CCDC61: variants seen among roughly 807,000 people sequenced by gnomAD.
CCDC61 encodes centrosomal protein CCDC61.
Under a neutral mutation model 63.0 loss-of-function variants are expected in CCDC61, and 55 were observed. The observed-to-expected ratio is 0.87, with a 90% CI of 0.70 to 1.09. The LOEUF (loss-of-function observed/expected upper bound fraction) is 1.09, where lower values mean the gene tolerates loss of function less well. Ranked by LOEUF, CCDC61 falls within the 50% of genes least tolerant of loss-of-function variation. The pLI is 0.00. For synonymous variants in CCDC61, 270 were observed against 317.0 expected, an observed-to-expected ratio of 0.85 and a Z score of 1.58; for missense variants, 651 against 731.4, an observed-to-expected ratio of 0.89 and a Z score of 1.27.
At chr19:46,014,895 G>C (rs560865860) in intron 5 of CCDC61, among the ~76,000 whole-genome samples, 154 bp from the exon 6 acceptor site, 1 of 152,200 alleles carries the variant, frequency 6.6e-6, no homozygotes, top group Non-Finnish European at 1.5e-5. Context: ...CAGGGGATAT[G>C]ATAGGACCCT....
At position 46,016,377 on chromosome 19, in the gene CCDC61, A is replaced by G. The variant is rs1236254855; in HGVS notation, c.1075A>G (p.Arg359Gly). 2 of 1,613,894 alleles carry G rather than the reference A, an allele frequency of 1.2e-6. No individual in the cohort carries two copies. The highest frequency in any genetic ancestry group is 3.3e-5 in the Admixed American group (2 of 60,016). The change falls in exon 9 of 14, where the codon AGA becomes GGA. Residue 359 changes from arginine (R) to glycine (G), a missense_variant. By Grantham distance (125) the Arg-to-Gly change is moderately radical (BLOSUM62 -2). Transcript: ENST00000595358. This position sits in a 1 kb window ranked among gnomAD's most constrained non-coding sequence, Gnocchi z 7.2. ...TGTGAAAGCCAAGGAAAGGAAGCAG[A>G]GAGAGATCCAGATGAAGTCAGTGCC... ...AFVKAKERKQ[R>G]EIQMKQQQRN...
At chr19:46,005,501 G>A (rs1968689053) in intron 3 of CCDC61, among the ~76,000 whole-genome samples, 1 of 152,006 alleles carries the variant, frequency 6.6e-6, no homozygotes, top group Non-Finnish European at 1.5e-5. Context: ...AAGTTGTGCA[G>A]ATTTTCCAAA....
chr19:46,007,421 A>G (rs1257478554), intron 4 of CCDC61, among the ~76,000 whole-genome samples: 5 of 152,230 alleles, frequency 3.3e-5, no homozygotes, highest in African/African-American at 1.2e-4. Context: ...CATTGCATCT[A>G]TATCAAGGCA....
intron 1 of CCDC61, 23 bp downstream of exon 1, chr19:45,995,527 G>T (rs1045371443): frequency 3.9e-6 from 2 of 510,772 alleles, no homozygotes; most frequent in East Asian, 5.8e-5. Context: ...GGGAGTGGCG[G>T]TTGCGCGGGC....
chr19:46,000,703 G>T (rs528545187), intron 1 of CCDC61, among the ~76,000 whole-genome samples: 1 of 152,194 alleles, frequency 6.6e-6, no homozygotes, highest in East Asian at 1.9e-4. Context: ...CATGCCTAGA[G>T]GAGGGGAAGG....
intron 5 of CCDC61, among the ~76,000 whole-genome samples, chr19:46,013,973 A>G (rs908786098): frequency 6.6e-6 from 1 of 152,078 alleles, no homozygotes; most frequent in Non-Finnish European, 1.5e-5. Context: ...CCAATGTGCC[A>G]CCAACTTTGA....
chr19:46,015,981 C>T lies in CCDC61; in HGVS notation c.846-73C>T. On this transcript the variant is annotated intron_variant, in intron 7 of 13. Coordinates refer to ENST00000595358, the MANE Select transcript of CCDC61 (RefSeq NM_001267723.2). The surrounding 1 kb of genome is among the most constrained non-coding windows in gnomAD (Gnocchi z 5.3). ...TAGGCCTGAGGGTTCGGAGAAGGTG[C>T]GGTCGGGGAGGAGTCTCGCGATTGA... 8.4e-7 allele frequency: 1 copy of T among 1,194,884 alleles called. No homozygotes were observed. The highest frequency in any genetic ancestry group is 1.0e-6 in the Non-Finnish European group (1 of 957,096). The allele number at this position is 1,194,884 out of a possible 1,614,324, so 74.0% of individuals were successfully genotyped here.
chr19:46,017,347 C>A, intron 12 of CCDC61, 43 bp downstream of exon 12: 5 of 1,518,148 alleles, frequency 3.3e-6, no homozygotes, highest in Non-Finnish European at 4.4e-6. Context: ...CACAGCTGCC[C>A]CCATTTCCTG....
At chr19:46,014,364 T>G (rs961834939) in intron 5 of CCDC61, among the ~76,000 whole-genome samples, 13 of 152,336 alleles carry the variant, frequency 8.5e-5, no homozygotes, top group Admixed American at 2.6e-4. Flanking sequence ...CTCATTTCTT[T>G]TATGAAAAGG....
intron 1 of CCDC61, among the ~76,000 whole-genome samples, chr19:46,002,706 C>T (rs564376480): frequency 5.6e-4 from 85 of 152,204 alleles, no homozygotes; most frequent in African/African-American, 1.8e-3. Flanking sequence ...TGTCAGCCAC[C>T]GCGCCCGGCT....
intron 1 of CCDC61, among the ~76,000 whole-genome samples, chr19:45,996,029 A>C (rs1486122603): frequency 6.6e-6 from 1 of 152,152 alleles, no homozygotes; most frequent in Non-Finnish European, 1.5e-5. Context: ...TCTTAAACTT[A>C]CTCTACTGAT....
intron 5 of CCDC61, among the ~76,000 whole-genome samples, chr19:46,009,440 A>G (rs1484109254): frequency 6.6e-6 from 1 of 152,140 alleles, no homozygotes; most frequent in Non-Finnish European, 1.5e-5. Flanking sequence ...GTGCTTTATG[A>G]TTAAATTCAT....
intron 4 of CCDC61, 88 bp from the exon 5 acceptor site, chr19:46,008,052 C>T (rs1343688564): frequency 5.8e-6 from 8 of 1,391,058 alleles, no homozygotes; most frequent in East Asian, 2.5e-5. Flanking sequence ...TGTGTGTTTT[C>T]GTACTCTGTG....
Position 46,017,035 on chromosome 19 carries a change from G to T in CCDC61, c.1276G>T (p.Asp426Tyr). ...SRCSSASSCS[D>Y]LEDFSESLSR... is the part of the protein sequence containing the mutation. The stretch of plus-strand genomic sequence containing the variant: ...CTGCTCGTCTGCCAGCTCCTGCAGC[G>T]ATTTGGAGGATTTCTCTGAGTCGCT... Residue 426 changes from aspartate to tyrosine, a missense_variant, in exon 11 of 14, where the codon GAT becomes TAT. Asp to Tyr is a radical substitution (Grantham distance 160). Coordinates refer to ENST00000595358, the MANE Select transcript of CCDC61 (RefSeq NM_001267723.2). 6.2e-7 allele frequency: 1 copy of T among 1,612,618 alleles called. No homozygotes were observed. Among genetic ancestry groups the T allele is most frequent in the Non-Finnish European group, 8.5e-7 (1 of 1,179,390 alleles).
In CCDC61 at chr19:46,016,956, G is replaced by A; in HGVS notation, c.1232-35G>A. On this transcript the variant is annotated intron_variant, in intron 10 of 13. Transcript: ENST00000595358. This position sits in a 1 kb window ranked among gnomAD's most constrained non-coding sequence, Gnocchi z 7.2. ...CTGGGAAGCACTGGGCGGGGCCAGC[G>A]AGGGCCAGCGGTCACGCCCTCCGTC... 6.3e-7 allele frequency: 1 copy of A among 1,585,252 alleles called. No homozygotes were observed. The highest frequency in any genetic ancestry group is 2.3e-5 in the East Asian group (1 of 43,660).
chr19:45,999,329 G>T (rs1968548013), intron 1 of CCDC61, among the ~76,000 whole-genome samples: 1 of 152,012 alleles, frequency 6.6e-6, no homozygotes, highest in Non-Finnish European at 1.5e-5. Context: ...CAGTGAAGGG[G>T]GGGTTCTATC....
chr19:46,006,698 A>G lies in CCDC61; in HGVS notation c.371A>G (p.Tyr124Cys). 3 of 1,608,364 alleles carry G rather than the reference A, an allele frequency of 1.9e-6. No individual in the cohort carries two copies. The highest frequency in any genetic ancestry group is 2.6e-6 in the Non-Finnish European group (3 of 1,176,054). ...LNSKRYLILIYSVEFDRIHYP... is the reference protein window; with the variant it reads ...LNSKRYLILICSVEFDRIHYP... Reference sequence around the variant, plus strand: ...TCCAAGCGCTACCTGATCCTCATCTACTCCGTGGAGTTTGACAGGTGGGGA... The same window carrying G: ...TCCAAGCGCTACCTGATCCTCATCTGCTCCGTGGAGTTTGACAGGTGGGGA... Residue 124 changes from tyrosine to cysteine, a missense_variant, in exon 4 of 14, where the codon TAC becomes TGC. Transcript: ENST00000595358.
intron 5 of CCDC61, among the ~76,000 whole-genome samples, chr19:46,011,740 T>A (rs563907560): frequency 6.6e-6 from 1 of 152,376 alleles, no homozygotes; most frequent in East Asian, 1.9e-4. Context: ...ACTCTGGATA[T>A]GCACTCAAAT....
chr19:46,002,708 C>T (rs1416185567), intron 1 of CCDC61, among the ~76,000 whole-genome samples: 3 of 152,112 alleles, frequency 2.0e-5, no homozygotes, highest in African/African-American at 2.4e-5. Context: ...TCAGCCACCG[C>T]GCCCGGCTTG....
Sources: allele counts gnomAD v4.1 joint callset (sites outside exome capture counted in the v4.1 genomes callset), GRCh38; gene constraint gnomAD v4.1.1; non-coding constraint Gnocchi (gnomAD v3.1); transcripts MANE v1.5; gene names NCBI Gene and HGNC (gene_info 2026-07-23, HGNC 2026-07-21).